The following ZBBX variants were observed in gnomAD, a reference collection of about 807,000 sequenced individuals.
ZBBX encodes zinc finger B-box domain containing, also known as zinc finger B-box domain-containing protein 1.
In ZBBX, 101 loss-of-function variants were observed where a neutral mutation model predicts 108.5. The observed-to-expected ratio is 0.93, with a 90% confidence interval of 0.79 to 1.10. ZBBX has a LOEUF of 1.10. Ranked by LOEUF, ZBBX falls within the 50% of genes least tolerant of loss-of-function variation. The pLI is 0.00. For synonymous variants in ZBBX, 356 were observed against 323.4 expected, an observed-to-expected ratio of 1.10 and a Z score of -1.08; for missense variants, 1,009 against 941.4, an observed-to-expected ratio of 1.07 and a Z score of -0.94.
intron 20 of ZBBX, among the ~76,000 whole-genome samples, chr3:167,262,213 G>A (rs1032773075): frequency 6.6e-6 from 1 of 152,144 alleles, no homozygotes; most frequent in Non-Finnish European, 1.5e-5. Context: ...GGTCGGGGGG[G>A]GCGTCTCCCA....
chr3:167,192,105 TA>T, the ZBBX span, among the ~76,000 whole-genome samples: 1 of 151,836 alleles, frequency 6.6e-6, no homozygotes, highest in African/African-American at 2.4e-5. Flanking sequence ...GATAGTTTTA[TA>T]TTTTGGGCTT....
At chr3:167,258,606 A>C (rs1723928972) in intron 20 of ZBBX, among the ~76,000 whole-genome samples, 2 of 151,992 alleles carry the variant, frequency 1.3e-5, no homozygotes, top group Admixed American at 1.3e-4. Context: ...AAATGCTTTC[A>C]ACTTTTCCCC....
the ZBBX span, among the ~76,000 whole-genome samples, chr3:167,204,963 G>A: frequency 2.6e-5 from 4 of 151,514 alleles, no homozygotes; most frequent in Non-Finnish European, 5.9e-5. Flanking sequence ...AGATAAATTT[G>A]GTTCTTACTA....
the ZBBX span, among the ~76,000 whole-genome samples, chr3:167,193,311 T>C: frequency 6.6e-6 from 1 of 152,190 alleles, no homozygotes. Flanking sequence ...GGGAAGGCTG[T>C]GTGGTAGTTT....
In ZBBX at chr3:167,305,649, T is replaced by C. The variant is rs768586379; in HGVS notation, c.1719A>G (p.Ser573=). The C allele has an allele frequency of 1.5e-5, 23 of 1,545,412 alleles. No individual in the cohort carries two copies. The highest frequency in any genetic ancestry group is 2.4e-4 in the Middle Eastern group (1 of 4,178). ...AAACATAATAGAGATTTACCAGTGA[T>C]GACTTTGTAGTTTTTGATTCTTCAA... The part of the protein sequence containing the change: ...PSFEESKTTK[S]SLLLQEIACR... The change falls in exon 17 of 22, where the codon TCA becomes TCG. Residue 573 remains serine, a synonymous_variant. Transcript: ENST00000675490.
At chr3:167,365,853 A>T (rs1323957045) in intron 6 of ZBBX, 33 bp downstream of exon 6, 1 of 1,510,038 alleles carries the variant, frequency 6.6e-7, no homozygotes, top group Admixed American at 1.7e-5. Context: ...CTTGCTTAGC[A>T]AAATGCATAA....
chr3:167,271,010 A>G (rs1726424535), intron 20 of ZBBX, among the ~76,000 whole-genome samples: 1 of 152,186 alleles, frequency 6.6e-6, no homozygotes, highest in African/African-American at 2.4e-5. Context: ...AAAAAGACAC[A>G]ATGGGTATTC....
At chr3:167,257,053 T>C (rs1723648499) in intron 20 of ZBBX, among the ~76,000 whole-genome samples, 1 of 152,210 alleles carries the variant, frequency 6.6e-6, no homozygotes, top group African/African-American at 2.4e-5. Flanking sequence ...CTCCAAACTG[T>C]TCTCCATAGT....
chr3:167,210,923 C>A, the ZBBX span, among the ~76,000 whole-genome samples: 1 of 151,888 alleles, frequency 6.6e-6, no homozygotes, highest in Non-Finnish European at 1.5e-5. Flanking sequence ...TAAAGGGAGT[C>A]ATCAGTATGA....
chr3:167,204,448 G>GT, the ZBBX span, among the ~76,000 whole-genome samples: 1 of 140,608 alleles, frequency 7.1e-6, no homozygotes, highest in Non-Finnish European at 1.5e-5. Context: ...GTGTCCATGT[G>GT]ATCTCATTGT....
intron 20 of ZBBX, among the ~76,000 whole-genome samples, chr3:167,260,757 G>A (rs1403969577): frequency 6.6e-6 from 1 of 152,228 alleles, no homozygotes; most frequent in African/African-American, 2.4e-5. Context: ...GAATTTCCTT[G>A]CATTAGGCTT....
the ZBBX span, among the ~76,000 whole-genome samples, chr3:167,203,108 TA>T: frequency 6.6e-6 from 1 of 151,986 alleles, no homozygotes. Context: ...CTAGCTGACC[TA>T]AAAAAAATTT....
chr3:167,337,975 A>G (rs4370032), intron 9 of ZBBX, among the ~76,000 whole-genome samples: 122,548 of 152,094 alleles, frequency 0.81, 49,417 homozygotes, highest in East Asian at 0.94. Context: ...ATAGGTAACA[A>G]TAGGAGCAGG....
At chr3:167,275,268 G>A (rs1422674398) in intron 20 of ZBBX, among the ~76,000 whole-genome samples, 1 of 151,912 alleles carries the variant, frequency 6.6e-6, no homozygotes, top group East Asian at 1.9e-4. Context: ...ATTCTCACTT[G>A]GGAGGAGCCA....
At chr3:167,369,785 G>A (rs1222902978) in intron 4 of ZBBX, among the ~76,000 whole-genome samples, 2 of 152,102 alleles carry the variant, frequency 1.3e-5, no homozygotes, top group Non-Finnish European at 2.9e-5. Context: ...CCTGGAGAAG[G>A]TGAAGTATGA....
the ZBBX span, among the ~76,000 whole-genome samples, chr3:167,181,189 C>T: frequency 6.6e-6 from 1 of 152,104 alleles, no homozygotes; most frequent in Non-Finnish European, 1.5e-5. Context: ...TTCCTTCAAA[C>T]CTTGCAAATT....
intron 8 of ZBBX, among the ~76,000 whole-genome samples, chr3:167,354,613 A>T (rs753842609): frequency 3.3e-5 from 5 of 152,074 alleles, no homozygotes; most frequent in African/African-American, 4.8e-5. Flanking sequence ...TTTTAAGTGT[A>T]AAATAAACTT....
chr3:167,217,767 G>T, the ZBBX span, among the ~76,000 whole-genome samples: 1 of 152,134 alleles, frequency 6.6e-6, no homozygotes. Context: ...ATACACCATG[G>T]AATATTATGT....
upstream of ZBBX, among the ~76,000 whole-genome samples, chr3:167,384,647 G>A (rs568699337): frequency 2.6e-4 from 39 of 152,036 alleles, no homozygotes; most frequent in African/African-American, 8.2e-4. Flanking sequence ...AGGATTTCTC[G>A]GAGAAACTAC....
Sources: gnomAD v4.1 joint callset for allele counts (sites outside exome capture counted in the v4.1 genomes callset) on GRCh38, gnomAD v4.1.1 for gene constraint, MANE v1.5 for transcripts, NCBI Gene and HGNC (gene_info 2026-07-23, HGNC 2026-07-21) for gene names.